PDE1C: variants seen among roughly 807,000 people sequenced by gnomAD.
PDE1C encodes phosphodiesterase 1C.
A neutral mutation model predicts 93.1 loss-of-function variants in PDE1C; 62 were observed. The ratio of observed to expected loss-of-function variants is 0.67; its 90% CI spans 0.54 to 0.82. PDE1C has a LOEUF of 0.82. Among genes scored for constraint, PDE1C ranks in the 40% least tolerant of loss-of-function variants. The pLI is 0.00. For missense variants in PDE1C, 742 were observed against 884.6 expected (o/e 0.84, Z 2.04); for synonymous variants, 325 against 310.1 (o/e 1.05, Z -0.50).
intron 3 of PDE1C, among the ~76,000 whole-genome samples, chr7:32,160,450 T>G (rs1801844753): frequency 6.6e-6 from 1 of 152,220 alleles, no homozygotes; most frequent in Admixed American, 6.5e-5. Context: ...TGACAATCTA[T>G]AAAGTACATT....
chr7:31,809,018 A>G lies in PDE1C; in HGVS notation c.1891+13T>C, dbSNP rs373086430. 6.2e-6 allele frequency: 9 copies of G among 1,459,338 alleles called. No individual in the cohort carries two copies. The African/African-American group carries it at 1.3e-4, about 20-fold the overall frequency. The allele number at this position is 1,459,338 out of a possible 1,614,324, so 90.4% of individuals were successfully genotyped here. ...CATTTTATGGAAAAATGTAATGAGAATAATACTCTTACCATCTGTTTTCTT... is the reference window on the plus strand; with the variant it reads ...CATTTTATGGAAAAATGTAATGAGAGTAATACTCTTACCATCTGTTTTCTT... On this transcript the variant is annotated intron_variant, in intron 16 of 17. Transcript: ENST00000396191.
chr7:32,320,237 T>A (rs1192730929), intron 1 of PDE1C, among the ~76,000 whole-genome samples: 3 of 152,234 alleles, frequency 2.0e-5, no homozygotes, highest in Non-Finnish European at 2.9e-5. Flanking sequence ...ATTTTGAATT[T>A]TAAGTATCAT....
intron 3 of PDE1C, among the ~76,000 whole-genome samples, chr7:32,112,836 GTGTGTGTGTGTATATA>G (rs1409498538): frequency 5.2e-5 from 3 of 57,718 alleles, no homozygotes; most frequent in East Asian, 4.0e-4. Context: ...GTGTGTGTGT[GTGTGTGTGTGTATATA>G]TATATATATA....
At chr7:32,267,586 A>ACACTCTCTCTCTCTCTCTCTCTCTCT (rs1442508353) in intron 1 of PDE1C, among the ~76,000 whole-genome samples, 3 of 117,536 alleles carry the variant, frequency 2.6e-5, no homozygotes, top group African/African-American at 1.0e-4. Context: ...ACACACACAC[A>ACACTCTCTCTCTCTCTCTCTCTCTCT]CTCTCTCTCT....
the PDE1C span, among the ~76,000 whole-genome samples, chr7:31,637,359 TA>T: frequency 1.3e-5 from 2 of 152,122 alleles, no homozygotes; most frequent in Non-Finnish European, 2.9e-5. Context: ...ACCAACAGTG[TA>T]AAAGTGTTCC....
intron 3 of PDE1C, among the ~76,000 whole-genome samples, chr7:32,088,552 C>T (rs977065675): frequency 9.2e-5 from 14 of 152,262 alleles, no homozygotes; most frequent in African/African-American, 3.4e-4. Context: ...CGAGCTGCTG[C>T]TAAGCACGGT....
intron 3 of PDE1C, among the ~76,000 whole-genome samples, chr7:32,128,904 CAAATATATATATAT>C (rs1266284285): frequency 2.5e-5 from 1 of 40,814 alleles, no homozygotes; most frequent in African/African-American, 8.8e-5. Flanking sequence ...TAAAGTATAA[CAAATATATATATAT>C]ATATATATAT....
chr7:31,956,674 A>T (rs1374464346), intron 2 of PDE1C, among the ~76,000 whole-genome samples: 1 of 152,088 alleles, frequency 6.6e-6, no homozygotes, highest in Non-Finnish European at 1.5e-5. Flanking sequence ...AAACAAAAAA[A>T]AAACCAGAAT....
intron 1 of PDE1C, among the ~76,000 whole-genome samples, chr7:32,401,210 T>C (rs1321313749): frequency 6.6e-6 from 1 of 152,216 alleles, no homozygotes; most frequent in Non-Finnish European, 1.5e-5. Context: ...TATTCTATTT[T>C]CCTAGTATAG....
upstream of PDE1C, among the ~76,000 whole-genome samples, chr7:32,302,510 A>G (rs1812904467): frequency 6.6e-6 from 1 of 152,192 alleles, no homozygotes. Flanking sequence ...TTCAAATATA[A>G]CAACAGTATA....
At chr7:32,210,904 A>T (rs1056084994) in intron 1 of PDE1C, among the ~76,000 whole-genome samples, 1 of 152,134 alleles carries the variant, frequency 6.6e-6, no homozygotes, top group African/African-American at 2.4e-5. Flanking sequence ...CGTCTGTCAC[A>T]CCGCAGCATT....
intron 2 of PDE1C, among the ~76,000 whole-genome samples, chr7:32,002,738 A>G (rs1160779705): frequency 6.6e-6 from 1 of 152,176 alleles, no homozygotes; most frequent in Non-Finnish European, 1.5e-5. Context: ...TTTATAATAT[A>G]TATTAAAATC....
chr7:32,227,268 G>T (rs1807357327), intron 1 of PDE1C, among the ~76,000 whole-genome samples: 1 of 152,110 alleles, frequency 6.6e-6, no homozygotes, highest in Admixed American at 6.5e-5. Context: ...GGAGCAGGGT[G>T]GTCATCAGCT....
intron 2 of PDE1C, among the ~76,000 whole-genome samples, chr7:31,885,173 G>C (rs1354319138): frequency 6.6e-6 from 1 of 152,042 alleles, no homozygotes; most frequent in African/African-American, 2.4e-5. Context: ...TTTATTTCAT[G>C]AGCATTTGAA....
At chr7:31,684,208 C>A in the PDE1C span, among the ~76,000 whole-genome samples, 1 of 152,168 alleles carries the variant, frequency 6.6e-6, no homozygotes, top group East Asian at 1.9e-4. Flanking sequence ...ACAGCCCGAA[C>A]TTGGGAGTAG....
intron 1 of PDE1C, among the ~76,000 whole-genome samples, chr7:32,056,551 A>G (rs1794135864): frequency 6.6e-6 from 1 of 152,074 alleles, no homozygotes; most frequent in South Asian, 2.1e-4. Flanking sequence ...CACTTCTCCA[A>G]CCACTGGTTT....
At chr7:31,744,046 G>A in the PDE1C span, among the ~76,000 whole-genome samples, 3 of 152,182 alleles carry the variant, frequency 2.0e-5, no homozygotes, top group East Asian at 5.8e-4. Flanking sequence ...AACAGCCTTA[G>A]AAATGGAAGT....
intron 17 of PDE1C, among the ~76,000 whole-genome samples, chr7:31,754,591 C>T (rs947154587): frequency 1.3e-5 from 2 of 152,172 alleles, no homozygotes; most frequent in Non-Finnish European, 2.9e-5. Context: ...TATGGAAAGA[C>T]ATGAATGAAT....
chr7:32,302,964 GA>G (rs1187482831), upstream of PDE1C, among the ~76,000 whole-genome samples: 12 of 152,264 alleles, frequency 7.9e-5, 1 homozygote, highest in Admixed American at 2.6e-4. Flanking sequence ...CCAAATTCTA[GA>G]AAGGGCCTCT....
Sources: allele counts gnomAD v4.1 joint callset (sites outside exome capture counted in the v4.1 genomes callset), GRCh38; gene constraint gnomAD v4.1.1; transcripts MANE v1.5; gene names NCBI Gene and HGNC (gene_info 2026-07-23, HGNC 2026-07-21).